COA1: variants seen among roughly 807,000 people sequenced by gnomAD.
COA1 encodes cytochrome c oxidase assembly factor 1.
Under a neutral mutation model 16.0 loss-of-function variants are expected in COA1, and 13 were observed. That is an observed-to-expected ratio of 0.81 (90% CI 0.53 to 1.29). The LOEUF (loss-of-function observed/expected upper bound fraction) is 1.29, where lower values mean the gene tolerates loss of function less well. Ranked by LOEUF, COA1 falls within the 50% of genes most tolerant of loss-of-function variation. The pLI is 0.00. For synonymous variants in COA1, 65 were observed against 65.7 expected, an observed-to-expected ratio of 0.99 and a Z score of 0.05; for missense variants, 179 against 177.0, an observed-to-expected ratio of 1.01 and a Z score of -0.06.
chr7:43,689,490 TA>T (rs1361906206), intron 1 of COA1, among the ~76,000 whole-genome samples: 1 of 152,120 alleles, frequency 6.6e-6, no homozygotes, highest in African/African-American at 2.4e-5. Context: ...ATTTTTTTTT[TA>T]ACTGTCAACC....
At chr7:43,654,555 A>G (rs1584486831) in intron 1 of COA1, among the ~76,000 whole-genome samples, 1 of 152,020 alleles carries the variant, frequency 6.6e-6, no homozygotes, top group East Asian at 1.9e-4. Context: ...CCAAATTCAT[A>G]ATGAAGTCAT....
intron 1 of COA1, among the ~76,000 whole-genome samples, chr7:43,654,811 T>C (rs1362212853): frequency 1.3e-5 from 2 of 152,146 alleles, no homozygotes; most frequent in Admixed American, 1.3e-4. Context: ...CACCTCCTGG[T>C]AAAATTTTAC....
At chr7:43,657,355 T>A (rs1232867788) in intron 1 of COA1, 1 of 152,268 alleles carries the variant, frequency 6.6e-6, no homozygotes, top group Non-Finnish European at 1.5e-5. Context: ...TATCTTCTCA[T>A]ACTACTGCAA....
At chr7:43,700,070 C>CA (rs2094664117) in intron 1 of COA1, among the ~76,000 whole-genome samples, 1 of 151,948 alleles carries the variant, frequency 6.6e-6, no homozygotes, top group Admixed American at 6.6e-5. Context: ...GGCAAAAAAA[C>CA]AAAAATCAAG....
At chr7:43,693,178 AG>A (rs1444094664) in intron 1 of COA1, among the ~76,000 whole-genome samples, 1 of 152,128 alleles carries the variant, frequency 6.6e-6, no homozygotes, top group African/African-American at 2.4e-5. Context: ...GAGACAGGGC[AG>A]GTGTTCTCGT....
intron 6 of COA1, among the ~76,000 whole-genome samples, chr7:43,630,921 T>A (rs2085112300): frequency 1.3e-5 from 2 of 152,152 alleles, no homozygotes; most frequent in African/African-American, 4.8e-5. Context: ...GTCTTAAACA[T>A]AACCTGCTAC....
chr7:43,696,073 T>A lies in COA1; in HGVS notation c.-39+33356A>T, dbSNP rs931386454. On this transcript the variant is annotated intron_variant, in intron 1 of 5. Coordinates refer to ENST00000223336, the MANE Select transcript of COA1 (RefSeq NM_018224.4). The stretch of plus-strand genomic sequence containing the variant: ...AAGACAAGGAAGAGCAAGTCACATC[T>A]CACATGGAAGCCTGCCTTGGCTTCC... Among the ~76,000 whole-genome samples the A allele has an allele frequency of 3.9e-5, 6 of 152,260 alleles. No homozygotes were observed. In the South Asian group the frequency reaches 1.0e-3, roughly 26 times the overall value.
intron 6 of COA1, among the ~76,000 whole-genome samples, chr7:43,629,444 G>A (rs994792947): frequency 6.6e-6 from 1 of 151,990 alleles, no homozygotes; most frequent in African/African-American, 2.4e-5. Flanking sequence ...TCTCAGCAGT[G>A]TTTTACATTT....
At chr7:43,648,572 G>T in intron 2 of COA1, 28 bp downstream of exon 2, 2 of 1,613,098 alleles carry the variant, frequency 1.2e-6, no homozygotes, top group Non-Finnish European at 1.7e-6. Flanking sequence ...GTTCTAGTGG[G>T]GAACTTGGCC....
chr7:43,647,607 G>C lies in COA1; in HGVS notation c.43C>G (p.Leu15Val), dbSNP rs199621151. The part of the protein sequence containing the change: ...KYAGSRRSMP[L>V]GARILFHGVF... ...CCGTGGAAAAGGATCCTTGCTCCCA[G>C]AGGCATTGACCGCCTGCTTCCTGCA... Residue 15 changes from leucine to valine, a missense_variant, in exon 3 of 6, where the codon CTG (leucine) becomes GTG (valine). Transcript: ENST00000223336. 9.7e-5 allele frequency: 157 copies of C among 1,613,912 alleles called. No individual in the cohort carries two copies. In the East Asian group the frequency reaches 2.9e-3, roughly 30 times the overall value.
At chr7:43,660,646 C>A (rs2092327085) in intron 1 of COA1, among the ~76,000 whole-genome samples, 1 of 152,094 alleles carries the variant, frequency 6.6e-6, no homozygotes, top group South Asian at 2.1e-4. Context: ...GCCTATGCTC[C>A]TCACCTAAAT....
intron 1 of COA1, among the ~76,000 whole-genome samples, chr7:43,708,420 C>G (rs2095083558): frequency 6.8e-6 from 1 of 147,728 alleles, no homozygotes; most frequent in South Asian, 2.1e-4. Context: ...GAGATCGTAC[C>G]ACTGCACTCC....
At chr7:43,677,111 A>G (rs957322848) in intron 1 of COA1, among the ~76,000 whole-genome samples, 2 of 152,282 alleles carry the variant, frequency 1.3e-5, no homozygotes, top group Middle Eastern at 3.4e-3. Context: ...TTTGCTTTCT[A>G]TATGTTTTTC....
intron 1 of COA1, among the ~76,000 whole-genome samples, chr7:43,700,529 G>T (rs4720460): frequency 0.11 from 15,477 of 142,270 alleles, 939 homozygotes; most frequent in Admixed American, 0.19. Flanking sequence ...AATGTAGGCA[G>T]ATATATATAT....
chr7:43,707,529 C>T (rs2095039416), intron 1 of COA1, among the ~76,000 whole-genome samples: 1 of 152,170 alleles, frequency 6.6e-6, no homozygotes, highest in Non-Finnish European at 1.5e-5. Context: ...TCATTAACCC[C>T]TCCCTCCTCT....
chr7:43,721,044 TA>T (rs2095496999), intron 1 of COA1, among the ~76,000 whole-genome samples: 1 of 152,206 alleles, frequency 6.6e-6, no homozygotes, highest in Non-Finnish European at 1.5e-5. Flanking sequence ...GGCTGAAACA[TA>T]AAACATCTGA....
At chr7:43,707,988 C>T (rs932545399) in intron 1 of COA1, among the ~76,000 whole-genome samples, 1 of 152,160 alleles carries the variant, frequency 6.6e-6, no homozygotes, top group African/African-American at 2.4e-5. Flanking sequence ...GTGGCTCATG[C>T]CTATAATCCT....
chr7:43,650,778 A>G (rs1390099976), intron 1 of COA1: 1 of 151,890 alleles, frequency 6.6e-6, no homozygotes, highest in Non-Finnish European at 1.5e-5. Context: ...GTTTTATAAC[A>G]TCCAACTCTG....
intron 6 of COA1, chr7:43,625,455 AATT>A (rs1247042112): frequency 4.6e-5 from 7 of 152,056 alleles, no homozygotes; most frequent in African/African-American, 1.7e-4. Flanking sequence ...GAAAAACCCT[AATT>A]TTTTTTCTCT....
Sources: allele counts gnomAD v4.1 joint callset (sites outside exome capture counted in the v4.1 genomes callset), GRCh38; gene constraint gnomAD v4.1.1; transcripts MANE v1.5; gene names NCBI Gene and HGNC (gene_info 2026-07-23, HGNC 2026-07-21).